The following ACVR2A variants were observed in gnomAD, a reference collection of about 807,000 sequenced individuals.
The protein encoded by ACVR2A is activin A receptor type 2A, also known as activin receptor type-2A.
A neutral mutation model predicts 61.4 loss-of-function variants in ACVR2A; 7 were observed. The observed-to-expected ratio is 0.11, with a 90% CI of 0.06 to 0.21. The LOEUF (loss-of-function observed/expected upper bound fraction) is 0.21. ACVR2A is among the 10% of genes least tolerant of loss of function. The pLI, the probability that ACVR2A is intolerant of heterozygous loss-of-function variation, is 1.00. For synonymous variants in ACVR2A, 193 were observed against 208.3 expected, an observed-to-expected ratio of 0.93 and a Z score of 0.63; for missense variants, 322 against 621.7, an observed-to-expected ratio of 0.52 and a Z score of 5.13.
rs1269953325 is a variant in ACVR2A, at chr2:147,845,112, C to T, written c.-41C>T. 3.3e-6 allele frequency: 5 copies of T among 1,504,306 alleles called. No homozygotes were observed. The highest frequency in any genetic ancestry group is 4.5e-6 in the Non-Finnish European group (5 of 1,113,466). The allele number at this position is 1,504,306 out of a possible 1,614,324, so 93.2% of individuals were successfully genotyped here. A position where few individuals can be genotyped will look rare whatever the true frequency, so the allele number is the denominator to read the frequency against. On this transcript the variant is annotated 5_prime_UTR_variant, in exon 1 of 11. Coordinates refer to ENST00000241416, the MANE Select transcript of ACVR2A (RefSeq NM_001616.5). Reference sequence around the variant, plus strand: ...GAGGAAGACCCAGGGAACTGGATATCTAGCGAGAACTTCCTCCGGATTCCC... The same window carrying T: ...GAGGAAGACCCAGGGAACTGGATATTTAGCGAGAACTTCCTCCGGATTCCC...
At chr2:147,923,836 A>G (rs1411415996) in intron 9 of ACVR2A, among the ~76,000 whole-genome samples, 1 of 152,118 alleles carries the variant, frequency 6.6e-6, no homozygotes, top group African/African-American at 2.4e-5. Flanking sequence ...ATAATTGCCT[A>G]AAAACTTCCT....
At chr2:147,913,093 A>C (rs570234154) in intron 4 of ACVR2A, among the ~76,000 whole-genome samples, 85 of 151,376 alleles carry the variant, frequency 5.6e-4, no homozygotes, top group African/African-American at 2.0e-3. Context: ...CATTTAATGA[A>C]CTTTTTTTTT....
chr2:147,914,837 T>G (rs879461515), intron 4 of ACVR2A, among the ~76,000 whole-genome samples: 1 of 151,966 alleles, frequency 6.6e-6, no homozygotes, highest in Non-Finnish European at 1.5e-5. Flanking sequence ...CTCCTCGAAG[T>G]ACACACTGGA....
chr2:147,854,959 A>C (rs566486520), intron 1 of ACVR2A, among the ~76,000 whole-genome samples: 1 of 151,786 alleles, frequency 6.6e-6, no homozygotes, highest in Non-Finnish European at 1.5e-5. Flanking sequence ...TTGGCTTACC[A>C]CAACCCCAGC....
At chr2:147,921,070 G>A (rs1157865319) in intron 8 of ACVR2A, among the ~76,000 whole-genome samples, 1 of 152,056 alleles carries the variant, frequency 6.6e-6, no homozygotes, top group Non-Finnish European at 1.5e-5. Flanking sequence ...GTCTCGCTCT[G>A]TCACCCAGGC....
At chr2:147,886,944 C>A (rs148736892) in intron 1 of ACVR2A, among the ~76,000 whole-genome samples, 1 of 152,212 alleles carries the variant, frequency 6.6e-6, no homozygotes, top group African/African-American at 2.4e-5. Context: ...GAGTGCTTGG[C>A]TCACACCTGT....
At chr2:147,863,732 C>A (rs763078249) in intron 1 of ACVR2A, among the ~76,000 whole-genome samples, 1 of 152,142 alleles carries the variant, frequency 6.6e-6, no homozygotes, top group Non-Finnish European at 1.5e-5. Context: ...GGTGGATTCA[C>A]ACAGTTCAAA....
At chr2:147,885,568 C>G (rs1191637670) in intron 1 of ACVR2A, among the ~76,000 whole-genome samples, 1 of 152,036 alleles carries the variant, frequency 6.6e-6, no homozygotes, top group African/African-American at 2.4e-5. Flanking sequence ...AATTAAAAAA[C>G]CAACCATCTT....
At position 147,896,616 on chromosome 2, in the gene ACVR2A, C is replaced by CT. The variant is rs1338263561; in HGVS notation, c.263+113dup. On this transcript the variant is annotated intron_variant, in intron 2 of 10. Transcript: ENST00000241416. ...TAAATTTTCACTTAAATGTTTCTTGCTTTTTAAAAAATGGGATTATAAAGA... is the reference window on the plus strand; with the variant it reads ...TAAATTTTCACTTAAATGTTTCTTGCTTTTTTAAAAAATGGGATTATAAAGA... The CT allele has an allele frequency of 1.1e-5, 12 of 1,078,292 alleles. No homozygotes were observed. In the Admixed American group the frequency reaches 2.1e-4, roughly 19 times the overall value. The allele number at this position is 1,078,292 out of a possible 1,614,324, so 66.8% of individuals were successfully genotyped here. A position where few individuals can be genotyped will look rare whatever the true frequency, so the allele number is the denominator to read the frequency against.
chr2:147,851,255 C>G (rs1231093043), intron 1 of ACVR2A, among the ~76,000 whole-genome samples: 2 of 152,060 alleles, frequency 1.3e-5, no homozygotes, highest in Non-Finnish European at 2.9e-5. Context: ...TGGTTCCTGC[C>G]TATTTTTTCT....
chr2:147,880,100 T>C (rs1169065886), intron 1 of ACVR2A, among the ~76,000 whole-genome samples: 1 of 152,206 alleles, frequency 6.6e-6, no homozygotes, highest in African/African-American at 2.4e-5. Context: ...AATTCCTTTA[T>C]AGAGGGTTTA....
chr2:147,877,460 A>T (rs1359887302), intron 1 of ACVR2A: 1 of 152,216 alleles, frequency 6.6e-6, no homozygotes, highest in East Asian at 1.9e-4. Context: ...TATCGGAATA[A>T]TAGAGAAAAC....
intron 1 of ACVR2A, among the ~76,000 whole-genome samples, chr2:147,876,343 T>G (rs1030137183): frequency 9.9e-5 from 15 of 152,112 alleles, no homozygotes; most frequent in African/African-American, 3.6e-4. Flanking sequence ...AAAAGAAAAT[T>G]TAAAATATGT....
At chr2:147,885,691 C>T (rs905317234) in intron 1 of ACVR2A, among the ~76,000 whole-genome samples, 1 of 152,098 alleles carries the variant, frequency 6.6e-6, no homozygotes, top group African/African-American at 2.4e-5. Flanking sequence ...AGATTATTCA[C>T]TTCATGATAC....
At chr2:147,918,668 T>C in intron 7 of ACVR2A, 76 bp downstream of exon 7, 2 of 1,327,476 alleles carry the variant, frequency 1.5e-6, no homozygotes, top group Non-Finnish European at 2.0e-6. Context: ...GGGTAAATTT[T>C]AATTTTTCCT....
chr2:147,877,896 A>C (rs548609651), intron 1 of ACVR2A, among the ~76,000 whole-genome samples: 1 of 152,320 alleles, frequency 6.6e-6, no homozygotes, highest in South Asian at 2.1e-4. Flanking sequence ...GTTCTGCTGT[A>C]ACTTCGATCC....
At chr2:147,915,484 T>C in intron 5 of ACVR2A, 150 bp downstream of exon 5, 1 of 786,460 alleles carries the variant, frequency 1.3e-6, no homozygotes. Flanking sequence ...TGCCTGCCTT[T>C]GCATCTGAGA....
In ACVR2A at chr2:147,899,821, G is replaced by A; in HGVS notation, c.451G>A (p.Ala151Thr). ...TTCCTTGGTGCCACTTATGTTAATT[G>A]CGGGGATTGTCATTTGTGCATTTTG... ...LYSLVPLMLIAGIVICAFWVY... is the reference protein window; with the variant it reads ...LYSLVPLMLITGIVICAFWVY... The change falls in exon 4 of 11, where the codon GCG (alanine) becomes ACG (threonine). Residue 151 changes from alanine to threonine, a missense_variant. This residue lies in a region of ACVR2A where 142 missense variants were observed against 200.3 expected (regional missense o/e 0.71). Coordinates refer to ENST00000241416, the MANE Select transcript of ACVR2A (RefSeq NM_001616.5). 1 of 1,613,672 alleles carries A rather than the reference G, an allele frequency of 6.2e-7. No individual in the cohort carries two copies. The highest frequency in any genetic ancestry group is 8.5e-7 in the Non-Finnish European group (1 of 1,179,774).
intron 4 of ACVR2A, among the ~76,000 whole-genome samples, chr2:147,902,179 A>AAT (rs1388231585): frequency 1.8e-4 from 27 of 152,110 alleles, no homozygotes; most frequent in African/African-American, 6.5e-4. Context: ...GAAAGTATGG[A>AAT]ATGGGGCATG....
Sources: allele counts gnomAD v4.1 joint callset (sites outside exome capture counted in the v4.1 genomes callset), GRCh38; gene constraint gnomAD v4.1.1; regional missense constraint gnomAD v4.1.1; transcripts MANE v1.5; gene names NCBI Gene and HGNC (gene_info 2026-07-23, HGNC 2026-07-21).